Variants in RUNX3 observed in about 807,000 individuals in gnomAD.
RUNX3 encodes the protein RUNX family transcription factor 3, also known as runt-related transcription factor 3.
RUNX3 carries 10 observed loss-of-function variants against 27.7 expected under a neutral mutation model. The observed-to-expected ratio is 0.36, with a 90% CI of 0.22 to 0.61. The LOEUF (loss-of-function observed/expected upper bound fraction) is 0.61, where lower values mean the gene tolerates loss of function less well. Ranked by LOEUF, RUNX3 falls within the 20% of genes least tolerant of loss-of-function variation. The pLI, the probability that RUNX3 is intolerant of heterozygous loss-of-function variation, is 0.72. For missense variants in RUNX3, 469 were observed against 629.5 expected (o/e 0.75, Z 2.73); for synonymous variants, 270 against 269.2 (o/e 1.00, Z -0.03).
intron 2 of RUNX3, among the ~76,000 whole-genome samples, chr1:24,938,752 C>T (rs190154319): frequency 2.1e-4 from 32 of 152,246 alleles, no homozygotes; most frequent in Non-Finnish European, 4.4e-4. Flanking sequence ...GCCCTCTTTG[C>T]CCTTCTGACT....
chr1:24,955,780 G>A (rs1641904371), intron 2 of RUNX3, among the ~76,000 whole-genome samples: 2 of 152,188 alleles, frequency 1.3e-5, no homozygotes, highest in South Asian at 4.1e-4. Flanking sequence ...GGTGGTTCCT[G>A]AGGCAGTCTC....
intron 2 of RUNX3, among the ~76,000 whole-genome samples, chr1:24,961,106 C>T (rs770119504): frequency 6.6e-6 from 1 of 151,258 alleles, no homozygotes; most frequent in Non-Finnish European, 1.5e-5. Flanking sequence ...CTTCTCTCCA[C>T]AGTGAACTGA....
In RUNX3 at chr1:24,957,336, TCATCCATC is replaced by T. The variant is rs72443915; in HGVS notation, c.58+7170_58+7177del. ...ACCAATCGTCAGCCCATTCATTCGT[TCATCCATC>T]CATCCATCCATCCATCCATCCATCC... On this transcript the variant is annotated intron_variant, in intron 2 of 6. Coordinates refer to the RUNX3 transcript ENST00000338888. 6.6e-3 allele frequency among the ~76,000 whole-genome samples: 993 copies of T among 149,898 alleles called. 14 individuals are homozygous for T. The highest frequency in any genetic ancestry group is 0.016 in the African/African-American group (652 of 40,744).
chr1:24,951,450 C>T (rs1403634877), intron 2 of RUNX3, among the ~76,000 whole-genome samples: 1 of 152,132 alleles, frequency 6.6e-6, no homozygotes, highest in Admixed American at 6.5e-5. Flanking sequence ...ATGAATCTCC[C>T]CTCTCTTGTT....
chr1:24,927,113 A>G lies in RUNX3; in HGVS notation c.439+461T>C, dbSNP rs112284542. On this transcript the variant is annotated intron_variant, in intron 2 of 4. Transcript: ENST00000308873. The surrounding 1 kb of genome is among the most constrained non-coding windows in gnomAD (Gnocchi z 5.0). The stretch of plus-strand genomic sequence containing the variant: ...GCTGGGAAACTGGGTCTGGGAGACC[A>G]CAGCTGGAGAGACAGCCTCAGAGTG... Among the ~76,000 whole-genome samples, 5 of 152,314 alleles carry G rather than the reference A, an allele frequency of 3.3e-5. No individual in the cohort carries two copies. The highest frequency in any genetic ancestry group is 1.2e-4 in the African/African-American group (5 of 41,566).
chr1:24,910,150 G>A (rs982473162), intron 3 of RUNX3, among the ~76,000 whole-genome samples: 46 of 152,208 alleles, frequency 3.0e-4, no homozygotes, highest in African/African-American at 9.2e-4. Flanking sequence ...TTAGCCGGGC[G>A]TGGTGGCGGG....
intron 4 of RUNX3, among the ~76,000 whole-genome samples, chr1:24,903,274 G>T (rs1349661942): frequency 6.6e-6 from 1 of 152,224 alleles, no homozygotes; most frequent in Non-Finnish European, 1.5e-5. Flanking sequence ...GCACGCGGAG[G>T]TTCTGTGCGC....
At chr1:24,934,769 C>T (rs1449463509), upstream of RUNX3, among the ~76,000 whole-genome samples, 3 of 152,168 alleles carry the variant, frequency 2.0e-5, no homozygotes, top group East Asian at 1.9e-4. Context: ...CATGTCAGCA[C>T]TCTCCTCCTA....
chr1:24,961,244 G>T (rs1642104632), intron 2 of RUNX3: 1 of 152,250 alleles, frequency 6.6e-6, no homozygotes, highest in South Asian at 2.1e-4. Context: ...TTGCTGCCTT[G>T]AAGGCCCCTG....
chr1:24,903,023 C>G (rs530331594), intron 4 of RUNX3, among the ~76,000 whole-genome samples: 28 of 152,224 alleles, frequency 1.8e-4, no homozygotes, highest in Non-Finnish European at 2.6e-4. Flanking sequence ...TCAGCTCAGG[C>G]CTCCCAGCAG....
chr1:24,924,330 T>C (rs1484790441), intron 2 of RUNX3, among the ~76,000 whole-genome samples: 1 of 151,958 alleles, frequency 6.6e-6, no homozygotes, highest in South Asian at 2.1e-4. Flanking sequence ...CACTGCACCC[T>C]GGCCTGGGCG....
At chr1:24,903,650 G>A (rs1314238044) in intron 4 of RUNX3, among the ~76,000 whole-genome samples, 1 of 152,200 alleles carries the variant, frequency 6.6e-6, no homozygotes, top group Non-Finnish European at 1.5e-5. Flanking sequence ...CAGACAGGGT[G>A]AGGCACTTCC....
rs1354013079 is a variant in RUNX3, at chr1:24,964,940, C to T, written c.-202G>A. ...GATGGCGGGAAGGGGCTTTCGGCAGCCAGGGTGGAGGAGCTCCGAAGCTGA... is the reference window on the plus strand; with the variant it reads ...GATGGCGGGAAGGGGCTTTCGGCAGTCAGGGTGGAGGAGCTCCGAAGCTGA... On this transcript the variant is annotated 5_prime_UTR_variant, in exon 1 of 7. Transcript: ENST00000338888. 1.6e-5 allele frequency: 5 copies of T among 316,382 alleles called. No individual in the cohort carries two copies. The East Asian group carries it at 3.8e-4, about 24-fold the overall frequency. The allele number at this position is 316,382 out of a possible 1,614,324, so 19.6% of individuals were successfully genotyped here. A position where few individuals can be genotyped will look rare whatever the true frequency, so the allele number is the denominator to read the frequency against.
chr1:24,907,232 G>A (rs770474954), intron 4 of RUNX3, 27 bp downstream of exon 4: 18 of 1,599,048 alleles, frequency 1.1e-5, no homozygotes, highest in East Asian at 2.2e-5. Flanking sequence ...ACCTCACCCC[G>A]CTGCAGCCCC....
chr1:24,948,450 C>T lies in RUNX3; in HGVS notation c.58+16064G>A, dbSNP rs554540562. 2.6e-5 allele frequency among the ~76,000 whole-genome samples: 4 copies of T among 152,294 alleles called. No individual in the cohort carries two copies. The South Asian group carries it at 8.3e-4, about 32-fold the overall frequency. ...ACTTTGGTTGCTGAGCTGGGACAGCCTGTGACAGAGGCCCCAGCACACCCG... is the reference window on the plus strand; with the variant it reads ...ACTTTGGTTGCTGAGCTGGGACAGCTTGTGACAGAGGCCCCAGCACACCCG... On this transcript the variant is annotated intron_variant, in intron 2 of 6. Transcript: ENST00000338888.
At chr1:24,952,953 T>A (rs1641804469) in intron 2 of RUNX3, among the ~76,000 whole-genome samples, 1 of 141,216 alleles carries the variant, frequency 7.1e-6, no homozygotes, top group Non-Finnish European at 1.6e-5. Flanking sequence ...AACTCAGGTA[T>A]TTTTTTTTTC....
chr1:24,959,454 G>A (rs938985598), intron 2 of RUNX3, among the ~76,000 whole-genome samples: 11 of 152,218 alleles, frequency 7.2e-5, no homozygotes, highest in Non-Finnish European at 1.2e-4. Context: ...CCAGGCAAGC[G>A]CCATAGTGGG....
intron 3 of RUNX3, among the ~76,000 whole-genome samples, chr1:24,917,451 A>G (rs1640911327): frequency 6.6e-6 from 1 of 152,132 alleles, no homozygotes; most frequent in African/African-American, 2.4e-5. Context: ...CCAGTGACTC[A>G]TGGGACCCCT....
intron 2 of RUNX3, among the ~76,000 whole-genome samples, chr1:24,955,555 C>G (rs1210232900): frequency 6.6e-6 from 1 of 152,188 alleles, no homozygotes; most frequent in Non-Finnish European, 1.5e-5. Flanking sequence ...TAGGAAGGAC[C>G]TAAGCCAGAG....
Sources: allele counts gnomAD v4.1 joint callset (sites outside exome capture counted in the v4.1 genomes callset), GRCh38; gene constraint gnomAD v4.1.1; non-coding constraint Gnocchi (gnomAD v3.1); transcripts MANE v1.5; gene names NCBI Gene and HGNC (gene_info 2026-07-23, HGNC 2026-07-21).